Variants in CACNA1D observed in about 807,000 individuals in gnomAD.
CACNA1D encodes voltage-dependent L-type calcium channel subunit alpha-1D.
Under a neutral mutation model 257.1 loss-of-function variants are expected in CACNA1D, and 55 were observed. That is an observed-to-expected ratio of 0.21 (90% CI 0.17 to 0.27). The LOEUF is 0.27. Ranked by LOEUF, CACNA1D falls within the 10% of genes least tolerant of loss-of-function variation. The probability of loss-of-function intolerance (pLI) is 1.00; values close to 1 mark genes in which losing one functional copy is unlikely to be tolerated. For missense variants in CACNA1D, 1,876 were observed against 2,784.0 expected (o/e 0.67, Z 7.34); for synonymous variants, 980 against 1,014.9 (o/e 0.97, Z 0.65).
chr3:53,609,275 T>A lies in CACNA1D; in HGVS notation c.484-41504T>A, dbSNP rs563211262. Among the ~76,000 whole-genome samples, 4 of 152,138 alleles carry A rather than the reference T, an allele frequency of 2.6e-5. No homozygotes were observed. In the South Asian group the frequency reaches 8.3e-4, roughly 32 times the overall value. On this transcript the variant is annotated intron_variant, in intron 3 of 47. Transcript: ENST00000350061. ...AATACAAAAAATTAGCTGGGCACGG[T>A]GGTGGGCACCTGTAGTCCCAGCTAC...
intron 9 of CACNA1D, among the ~76,000 whole-genome samples, chr3:53,705,662 C>T (rs909524549): frequency 1.3e-5 from 2 of 152,138 alleles, no homozygotes; most frequent in African/African-American, 4.8e-5. Flanking sequence ...CAGAGCCTTG[C>T]TGATGAGGGT....
rs76369971 is a variant in CACNA1D at position 53,665,448 on chromosome 3, C to T, written c.767-212C>T. 4.8e-3 allele frequency among the ~76,000 whole-genome samples: 730 copies of T among 152,318 alleles called. 24 individuals are homozygous for T. In the East Asian group the frequency reaches 0.084, roughly 18 times the overall value. On this transcript the variant is annotated intron_variant, in intron 5 of 47. Coordinates refer to ENST00000350061, the MANE Select transcript of CACNA1D (RefSeq NM_001128840.3). ...CCTCCCTAGGCCTTAGTTTTTCCCT[C>T]TGTCTAGTGAGGGAGTTTGACTAGA...
chr3:53,557,825 T>G (rs1195958318), intron 3 of CACNA1D, among the ~76,000 whole-genome samples: 2 of 152,226 alleles, frequency 1.3e-5, no homozygotes. Context: ...TCTCAAATTT[T>G]TGTCGTTCAT....
intron 33 of CACNA1D, among the ~76,000 whole-genome samples, chr3:53,773,227 C>T (rs574192532): frequency 5.9e-5 from 9 of 152,202 alleles, no homozygotes; most frequent in East Asian, 1.9e-4. Flanking sequence ...AGTAGCCCCT[C>T]GTGGGTCTTT....
chr3:53,689,491 G>C (rs1444708084), intron 8 of CACNA1D, among the ~76,000 whole-genome samples: 4 of 152,010 alleles, frequency 2.6e-5, no homozygotes, highest in African/African-American at 9.7e-5. Flanking sequence ...GCTGGGGGCT[G>C]CAGGGATGGG....
intron 3 of CACNA1D, among the ~76,000 whole-genome samples, chr3:53,526,894 C>T (rs539052740): frequency 1.3e-5 from 2 of 152,316 alleles, no homozygotes; most frequent in East Asian, 1.9e-4. Flanking sequence ...ATGAGCAGGG[C>T]GTATTGCCAG....
chr3:53,526,244 C>G (rs549915803), intron 3 of CACNA1D, among the ~76,000 whole-genome samples: 2 of 152,346 alleles, frequency 1.3e-5, no homozygotes, highest in East Asian at 1.9e-4. Context: ...GGAGCCAACT[C>G]TACCCTAAGT....
At chr3:53,628,753 G>A (rs902704880) in intron 3 of CACNA1D, among the ~76,000 whole-genome samples, 8 of 152,222 alleles carry the variant, frequency 5.3e-5, no homozygotes, top group Non-Finnish European at 1.2e-4. Context: ...TGCCATTTCA[G>A]TGCCTGCAAG....
chr3:53,785,821 G>C (rs191678022), intron 39 of CACNA1D: 3 of 152,342 alleles, frequency 2.0e-5, no homozygotes, highest in Non-Finnish European at 4.4e-5. Context: ...ATCTTGCAAG[G>C]GTGGCCTGGC....
chr3:53,551,261 G>A (rs1250574613), intron 3 of CACNA1D, among the ~76,000 whole-genome samples: 1 of 152,154 alleles, frequency 6.6e-6, no homozygotes, highest in African/African-American at 2.4e-5. Context: ...CCCTGGCCAC[G>A]GTCACACATG....
intron 44 of CACNA1D, among the ~76,000 whole-genome samples, chr3:53,804,434 G>A (rs766481678): frequency 6.6e-6 from 1 of 152,130 alleles, no homozygotes; most frequent in East Asian, 1.9e-4. Context: ...CCCCCCTGTC[G>A]AGGGCCTGCT....
chr3:53,769,550 A>G (rs945561881), intron 30 of CACNA1D, among the ~76,000 whole-genome samples: 6 of 152,190 alleles, frequency 3.9e-5, no homozygotes, highest in Admixed American at 2.6e-4. Context: ...GGCAGGCACC[A>G]CTGCTTGCCC....
chr3:53,718,174 T>C lies in CACNA1D; in HGVS notation c.1391-127T>C, dbSNP rs2094840395. ...CACTCCCTTAGCCCAGCTGAGGCCC[T>C]GAGGGCCCTTTTCACCCTCCTCCTG... is the stretch of plus-strand genomic sequence containing the variant. On this transcript the variant is annotated intron_variant, in intron 9 of 47. Transcript: ENST00000350061. The C allele has an allele frequency of 1.9e-5, 15 of 797,198 alleles. No homozygotes were observed. The Admixed American group carries it at 2.4e-4, about 13-fold the overall frequency. The allele number at this position is 797,198 out of a possible 1,614,324, so 49.4% of individuals were successfully genotyped here. A position where few individuals can be genotyped will look rare whatever the true frequency, so the allele number is the denominator to read the frequency against.
At chr3:53,528,778 A>C (rs2107426018) in intron 3 of CACNA1D, among the ~76,000 whole-genome samples, 1 of 152,188 alleles carries the variant, frequency 6.6e-6, no homozygotes, top group South Asian at 2.1e-4. Flanking sequence ...ATTTTATTGC[A>C]CATAGAATTT....
At chr3:53,715,505 T>C (rs550495038) in intron 9 of CACNA1D, among the ~76,000 whole-genome samples, 37 of 152,174 alleles carry the variant, frequency 2.4e-4, no homozygotes, top group Non-Finnish European at 1.6e-4. Context: ...GACACTGGAT[T>C]GGTCGCTTTG....
chr3:53,672,563 CTT>C (rs1420801576), intron 7 of CACNA1D, among the ~76,000 whole-genome samples: 6 of 152,118 alleles, frequency 3.9e-5, no homozygotes, highest in African/African-American at 1.4e-4. Context: ...CCATCACAAA[CTT>C]TAAACACAAA....
chr3:53,593,863 G>A (rs1481823753), intron 3 of CACNA1D, among the ~76,000 whole-genome samples: 1 of 152,216 alleles, frequency 6.6e-6, no homozygotes. Context: ...TCAGTGCTTG[G>A]GTCACCAGCG....
At chr3:53,681,805 G>A (rs1236140554) in intron 8 of CACNA1D, among the ~76,000 whole-genome samples, 2 of 152,226 alleles carry the variant, frequency 1.3e-5, no homozygotes, top group Admixed American at 6.5e-5. Context: ...TTGGGTAGGA[G>A]CATCCTGGAA....
At chr3:53,695,781 C>T (rs1276404104) in intron 8 of CACNA1D, among the ~76,000 whole-genome samples, 1 of 152,136 alleles carries the variant, frequency 6.6e-6, no homozygotes, top group Admixed American at 6.5e-5. Flanking sequence ...TCTGGTCTTC[C>T]TCAGCACCAT....
Sources: allele counts gnomAD v4.1 joint callset (sites outside exome capture counted in the v4.1 genomes callset), GRCh38; gene constraint gnomAD v4.1.1; transcripts MANE v1.5; gene names NCBI Gene and HGNC (gene_info 2026-07-23, HGNC 2026-07-21).